Variants in TENM3 observed in about 807,000 individuals in gnomAD.
TENM3 encodes teneurin transmembrane protein 3.
A neutral mutation model predicts 255.1 loss-of-function variants in TENM3; 63 were observed. That is an observed-to-expected ratio of 0.25 (90% CI 0.20 to 0.30). The LOEUF is 0.30. TENM3 is among the 10% of genes least tolerant of loss of function. The probability of loss-of-function intolerance (pLI) is 1.00; values close to 1 mark genes in which losing one functional copy is unlikely to be tolerated. For synonymous variants in TENM3, 1,306 were observed against 1,322.3 expected, an observed-to-expected ratio of 0.99 and a Z score of 0.27; for missense variants, 2,929 against 3,461.1, an observed-to-expected ratio of 0.85 and a Z score of 3.86.
chr4:181,991,617 C>T, the TENM3 span, among the ~76,000 whole-genome samples: 1 of 152,274 alleles, frequency 6.6e-6, no homozygotes, highest in African/African-American at 2.4e-5. Context: ...CCTTGTGGAC[C>T]AGTGTCAGCC....
chr4:182,152,566 C>T (rs534481675), intron 1 of TENM3, among the ~76,000 whole-genome samples: 12 of 151,880 alleles, frequency 7.9e-5, no homozygotes, highest in African/African-American at 2.9e-4. Flanking sequence ...CTAGAATATA[C>T]AATCTCTGAA....
Position 182,775,129 on chromosome 4 carries a change from C to G in TENM3, c.5280C>G (p.Val1760=), listed in dbSNP as rs756803640. ...RFRKEQAQGK[V]NVFGRKLRVN... The stretch of plus-strand genomic sequence containing the variant: ...GAAAAGAGCAAGCCCAAGGGAAAGT[C>G]AATGTCTTTGGCCGCAAGCTCAGGG... Residue 1760 remains valine (V), a synonymous_variant, in exon 24 of 28, where the codon GTC becomes GTG. Coordinates refer to ENST00000511685, the MANE Select transcript of TENM3 (RefSeq NM_001080477.4). 18 of 1,613,890 alleles carry G rather than the reference C, an allele frequency of 1.1e-5. No individual in the cohort carries two copies. The highest frequency in any genetic ancestry group is 1.3e-5 in the Non-Finnish European group (15 of 1,179,906).
chr4:181,841,974 T>C, the TENM3 span, among the ~76,000 whole-genome samples: 1 of 152,192 alleles, frequency 6.6e-6, no homozygotes, highest in Non-Finnish European at 1.5e-5. Context: ...TGACTTATCA[T>C]ATTCCATATC....
chr4:181,752,198 A>G, the TENM3 span, among the ~76,000 whole-genome samples: 1 of 152,138 alleles, frequency 6.6e-6, no homozygotes, highest in Non-Finnish European at 1.5e-5. Flanking sequence ...AGGAAATGAG[A>G]CTTGTTTCTG....
chr4:182,030,019 T>TGGTCTGTTGTCCTA, the TENM3 span, among the ~76,000 whole-genome samples: 1 of 144,228 alleles, frequency 6.9e-6, no homozygotes, highest in Non-Finnish European at 1.5e-5. Context: ...TTTTTTTTTT[T>TGGTCTGTTGTCCTA]TGGTCTGTTG....
At chr4:182,753,750 A>G (rs1762529207) in intron 21 of TENM3, 146 bp downstream of exon 21, 1 of 619,318 alleles carries the variant, frequency 1.6e-6, no homozygotes, top group Non-Finnish European at 2.6e-6. Flanking sequence ...CATGTATCAC[A>G]GGAGCTAATA....
chr4:181,788,749 C>T, the TENM3 span, among the ~76,000 whole-genome samples: 1 of 152,156 alleles, frequency 6.6e-6, no homozygotes, highest in African/African-American at 2.4e-5. Context: ...AGGCACACAG[C>T]ACCATGCTTA....
upstream of TENM3, among the ~76,000 whole-genome samples, chr4:182,139,182 C>T (rs1163878910): frequency 6.6e-6 from 1 of 152,122 alleles, no homozygotes; most frequent in Non-Finnish European, 1.5e-5. Flanking sequence ...AAAAACAGTG[C>T]CATCCTTTAT....
Position 182,162,107 on chromosome 4 carries a change from C to T in TENM3, c.-76+17353C>T, listed in dbSNP as rs1047693218. ...CTATGTTGTGCAGGCTGTCCTCAAACTCATGGGCTCAAGCAGTCCTCCTGC... is the reference window on the plus strand; with the variant it reads ...CTATGTTGTGCAGGCTGTCCTCAAATTCATGGGCTCAAGCAGTCCTCCTGC... On this transcript the variant is annotated intron_variant, in intron 1 of 2. Transcript: ENST00000512480. Among the ~76,000 whole-genome samples, 13 of 151,480 alleles carry T rather than the reference C, an allele frequency of 8.6e-5. 1 individual carries two copies. Among genetic ancestry groups the T allele is most frequent in the African/African-American group, 3.2e-4 (13 of 41,246 alleles).
At chr4:181,892,133 T>C in the TENM3 span, among the ~76,000 whole-genome samples, 1 of 152,192 alleles carries the variant, frequency 6.6e-6, no homozygotes, top group Non-Finnish European at 1.5e-5. Context: ...ATTACATAGT[T>C]TGTGGGATTT....
rs946671606 is a variant in TENM3 at position 182,579,683 on chromosome 4, A to T, written c.512-21241A>T. Among the ~76,000 whole-genome samples the T allele has an allele frequency of 2.1e-5, 3 of 143,854 alleles. No homozygotes were observed. In the Admixed American group the frequency reaches 2.2e-4, roughly 10 times the overall value. 94.4% of individuals were successfully genotyped at this position (143,854 alleles called of 152,430 possible). On this transcript the variant is annotated intron_variant, in intron 3 of 27. Transcript: ENST00000511685. ...TTGGCTGTAATGGATTTTTGAAATT[A>T]TTTCCACAAATTTGAAAACTTCTCT...
intron 2 of TENM3, among the ~76,000 whole-genome samples, chr4:182,330,768 A>T (rs1763695819): frequency 6.6e-6 from 1 of 152,256 alleles, no homozygotes; most frequent in Admixed American, 6.5e-5. Context: ...TACAGTGTAT[A>T]TAGTTAAATC....
intron 7 of TENM3, among the ~76,000 whole-genome samples, chr4:182,677,971 G>T (rs971849314): frequency 4.6e-5 from 7 of 151,964 alleles, no homozygotes; most frequent in African/African-American, 1.4e-4. Context: ...GGCCTCTGAT[G>T]AAATTCCATT....
At chr4:182,237,302 C>T (rs1221968691) in intron 1 of TENM3, among the ~76,000 whole-genome samples, 1 of 152,012 alleles carries the variant, frequency 6.6e-6, no homozygotes, top group Non-Finnish European at 1.5e-5. Flanking sequence ...AATAGTGCTG[C>T]AGTAAACATA....
At chr4:181,674,783 G>T in the TENM3 span, among the ~76,000 whole-genome samples, 1 of 152,102 alleles carries the variant, frequency 6.6e-6, no homozygotes, top group Non-Finnish European at 1.5e-5. Context: ...ATAGCACTGT[G>T]CTTCCAAAAT....
the TENM3 span, among the ~76,000 whole-genome samples, chr4:181,512,799 G>T: frequency 6.6e-6 from 1 of 152,180 alleles, no homozygotes; most frequent in Non-Finnish European, 1.5e-5. Context: ...TTGCCCTCCA[G>T]TTCCTATGTA....
At chr4:181,804,561 G>A in the TENM3 span, among the ~76,000 whole-genome samples, 1 of 152,166 alleles carries the variant, frequency 6.6e-6, no homozygotes, top group Admixed American at 6.5e-5. Flanking sequence ...TTTGATCTGA[G>A]ACTTTAAGAA....
At chr4:182,362,410 G>T (rs1190713561) in intron 3 of TENM3, among the ~76,000 whole-genome samples, 1 of 151,846 alleles carries the variant, frequency 6.6e-6, no homozygotes, top group Non-Finnish European at 1.5e-5. Context: ...GTTTACCTAA[G>T]CAAGCCTGGG....
At chr4:182,588,966 A>G (rs1746325284) in intron 3 of TENM3, among the ~76,000 whole-genome samples, 2 of 147,546 alleles carry the variant, frequency 1.4e-5, no homozygotes, top group African/African-American at 2.4e-5. Context: ...CTGCCACTCA[A>G]GATAAGTTGC....
Sources: allele counts gnomAD v4.1 joint callset (sites outside exome capture counted in the v4.1 genomes callset), GRCh38; gene constraint gnomAD v4.1.1; transcripts MANE v1.5; gene names NCBI Gene and HGNC (gene_info 2026-07-23, HGNC 2026-07-21).